Variants in OR51B5 observed in about 807,000 individuals in gnomAD.
OR51B5 encodes the protein olfactory receptor 51B5.
For synonymous variants in OR51B5, 186 were observed against 144.8 expected, an observed-to-expected ratio of 1.28 and a Z score of -2.04; for missense variants, 456 against 374.6, an observed-to-expected ratio of 1.22 and a Z score of -1.79.
intron 1 of OR51B5, among the ~76,000 whole-genome samples, chr11:5,460,311 G>A (rs1452254613): frequency 6.6e-6 from 1 of 152,122 alleles, no homozygotes; most frequent in African/African-American, 2.4e-5. Context: ...GTACCTTGGT[G>A]ACAAAATAAT....
chr11:5,491,907 C>A (rs1405224801), intron 1 of OR51B5, among the ~76,000 whole-genome samples: 1 of 152,184 alleles, frequency 6.6e-6, no homozygotes, highest in Non-Finnish European at 1.5e-5. Context: ...GCTGCATGAA[C>A]CTGATCCTGC....
rs575293420 is a variant in OR51B5, at chr11:5,352,561, A to C, written n.85-5651T>G. 1,639 of 666,444 alleles carry C rather than the reference A, an allele frequency of 2.5e-3. 9 individuals carry two copies. Among genetic ancestry groups the C allele is most frequent in the Middle Eastern group, 0.012 (46 of 3,704 alleles). 41.3% of individuals were successfully genotyped at this position (666,444 alleles called of 1,614,324 possible). On this transcript the variant is annotated intron_variant and non_coding_transcript_variant, in intron 1 of 4. Transcript: ENST00000415970. ...AATGAGAACTAATCAATCCCTGAGC[A>C]TTTCAGTGGAAATCAGTCAATCCCT...
chr11:5,411,406 T>C (rs1003323743), intron 1 of OR51B5, among the ~76,000 whole-genome samples: 1 of 152,104 alleles, frequency 6.6e-6, no homozygotes, highest in Admixed American at 6.5e-5. Flanking sequence ...GAGTACAGTA[T>C]GATGTTGGCA....
intron 1 of OR51B5, chr11:5,505,250 G>GT (rs1310708680): frequency 3.3e-6 from 4 of 1,197,446 alleles, no homozygotes; most frequent in Non-Finnish European, 4.3e-6. Context: ...TTGCTATTAG[G>GT]TTTTTTGTTT....
intron 1 of OR51B5, among the ~76,000 whole-genome samples, chr11:5,427,653 T>C (rs1343420810): frequency 6.6e-6 from 1 of 152,228 alleles, no homozygotes; most frequent in Non-Finnish European, 1.5e-5. Flanking sequence ...TGAATATCTT[T>C]GGAAATAATT....
At chr11:5,388,412 C>T (rs1341993865) in intron 1 of OR51B5, among the ~76,000 whole-genome samples, 5 of 151,184 alleles carry the variant, frequency 3.3e-5, no homozygotes, top group Admixed American at 6.6e-5. Context: ...AGAAGGCCTT[C>T]TGAAGGACAT....
chr11:5,504,612 CCTTTATTTTCCCAAGCACAAG>C (rs569181127), intron 1 of OR51B5, among the ~76,000 whole-genome samples: 86 of 152,292 alleles, frequency 5.6e-4, no homozygotes, highest in Middle Eastern at 3.4e-3. Context: ...ATTCTCATAG[CCTTTATTTTCCCAAGCACAAG>C]CTTTGGTCCT....
At chr11:5,383,434 A>G (rs1469443393) in intron 1 of OR51B5, among the ~76,000 whole-genome samples, 1 of 152,204 alleles carries the variant, frequency 6.6e-6, no homozygotes, top group African/African-American at 2.4e-5. Flanking sequence ...GCAGATGTGC[A>G]ATTTAAAAGC....
intron 1 of OR51B5, among the ~76,000 whole-genome samples, chr11:5,448,736 C>A (rs1442334466): frequency 6.6e-6 from 1 of 152,196 alleles, no homozygotes; most frequent in Non-Finnish European, 1.5e-5. Context: ...TCCATTCCCC[C>A]ATCTGTCTGT....
chr11:5,455,268 C>G (rs1850933168), intron 1 of OR51B5: 2 of 151,446 alleles, frequency 1.3e-5, no homozygotes, highest in Non-Finnish European at 1.5e-5. Flanking sequence ...TTCTATTTCT[C>G]TTTCCTTCTT....
At chr11:5,423,312 T>G in intron 1 of OR51B5, 1 of 800,578 alleles carries the variant, frequency 1.2e-6, no homozygotes, top group Non-Finnish European at 1.9e-6. Flanking sequence ...TGAGGTGAGC[T>G]AGCAGCAGTG....
At chr11:5,399,700 T>G (rs1315958824) in intron 1 of OR51B5, among the ~76,000 whole-genome samples, 2 of 151,718 alleles carry the variant, frequency 1.3e-5, no homozygotes, top group African/African-American at 4.9e-5. Context: ...TTTTAAGATC[T>G]CTTTCAAGGA....
chr11:5,498,832 C>G (rs377304), intron 1 of OR51B5, among the ~76,000 whole-genome samples: 150,390 of 152,292 alleles, frequency 0.99, 74,288 homozygotes, highest in East Asian at 1. Context: ...TCTTTAAATT[C>G]CAGTCTGACC....
intron 1 of OR51B5, among the ~76,000 whole-genome samples, chr11:5,444,717 A>C (rs1394567493): frequency 1.3e-5 from 2 of 152,148 alleles, no homozygotes; most frequent in African/African-American, 4.8e-5. Flanking sequence ...GCCCTCCAGA[A>C]CACCAAGTCT....
intron 1 of OR51B5, among the ~76,000 whole-genome samples, chr11:5,459,741 C>A (rs570486972): frequency 6.6e-6 from 1 of 151,988 alleles, no homozygotes; most frequent in Non-Finnish European, 1.5e-5. Flanking sequence ...CAGATGCTGG[C>A]GAGGTTGTGG....
At chr11:5,500,618 C>G (rs1846276843) in intron 1 of OR51B5, among the ~76,000 whole-genome samples, 1 of 148,102 alleles carries the variant, frequency 6.8e-6, no homozygotes, top group Non-Finnish European at 1.5e-5. Context: ...GGACATCTTT[C>G]CAGTAATAGT....
chr11:5,480,241 C>T (rs1851396180), intron 1 of OR51B5, among the ~76,000 whole-genome samples: 1 of 150,240 alleles, frequency 6.7e-6, no homozygotes, highest in African/African-American at 2.4e-5. Context: ...ACTGAACAAC[C>T]TGCTCCTGAA....
chr11:5,446,996 T>A (rs116274967), intron 1 of OR51B5, among the ~76,000 whole-genome samples: 2,016 of 152,218 alleles, frequency 0.013, 41 homozygotes, highest in African/African-American at 0.047. Flanking sequence ...TACAACAGAA[T>A]CTCTACTCCC....
At position 5,435,496 on chromosome 11, in the gene OR51B5, A is replaced by T. The variant is rs557766892; in HGVS notation, n.84+70073T>A. Among the ~76,000 whole-genome samples the T allele has an allele frequency of 4.1e-5, 4 of 98,284 alleles. No individual in the cohort carries two copies. In the South Asian group the frequency reaches 1.4e-3, roughly 35 times the overall value. 64.5% of individuals were successfully genotyped at this position (98,284 alleles called of 152,430 possible). A position where few individuals can be genotyped will look rare whatever the true frequency, so the allele number is the denominator to read the frequency against. On this transcript the variant is annotated intron_variant and non_coding_transcript_variant, in intron 1 of 4. Transcript: ENST00000415970. ...ATTCTAAGAAGAATGGATGATATTG[A>T]CTGTTTTTGTTTGTCTGTTATCACT...
Sources: gnomAD v4.1 joint callset for allele counts (sites outside exome capture counted in the v4.1 genomes callset) on GRCh38, gnomAD v4.1.1 for gene constraint, MANE v1.5 for transcripts, NCBI Gene and HGNC (gene_info 2026-07-23, HGNC 2026-07-21) for gene names.